HACD4: variants seen among roughly 807,000 people sequenced by gnomAD.
The protein encoded by HACD4 is very-long-chain (3R)-3-hydroxyacyl-CoA dehydratase 4.
In HACD4, 35 loss-of-function variants were observed where a neutral mutation model predicts 33.3. The observed-to-expected ratio is 1.05, with a 90% confidence interval of 0.80 to 1.39. The LOEUF (loss-of-function observed/expected upper bound fraction) is 1.39. Among genes scored for constraint, HACD4 ranks in the 40% most tolerant of loss-of-function variants. The probability of loss-of-function intolerance (pLI) is 0.00; values close to 1 mark genes in which losing one functional copy is unlikely to be tolerated. For synonymous variants in HACD4, 118 were observed against 98.0 expected (o/e 1.20, Z -1.21); for missense variants, 323 against 276.5 (o/e 1.17, Z -1.19).
chr9:21,029,347 G>C lies in HACD4; in HGVS notation c.90C>G (p.Gly30=), dbSNP rs1331698431. Residue 30 remains glycine (G), a synonymous_variant, in exon 2 of 7, where the codon GGC becomes GGG. Transcript: ENST00000495827. The part of the protein sequence containing the change: ...LFIYYLIQFC[G]HSWIFTNMTV... ...TCATATTTGTAAATATCCAAGAGTG[G>C]CCACAGAACTGGATTAAGTAATAGA... The C allele has an allele frequency of 1.2e-6, 2 of 1,601,916 alleles. No individual in the cohort carries two copies. The highest frequency in any genetic ancestry group is 1.7e-6 in the Non-Finnish European group (2 of 1,170,482).
At chr9:21,015,758 T>C in intron 4 of HACD4, 140 bp downstream of exon 4, 2 of 543,914 alleles carry the variant, frequency 3.7e-6, no homozygotes, top group Non-Finnish European at 3.3e-6. Context: ...TAAAAATACA[T>C]TTCCATATCA....
intron 3 of HACD4, among the ~76,000 whole-genome samples, chr9:21,020,679 G>T (rs1587835002): frequency 6.6e-6 from 1 of 152,036 alleles, no homozygotes; most frequent in African/African-American, 2.4e-5. Context: ...TTTCTTTTAT[G>T]CTTCTTTTGG....
At chr9:21,010,075 T>C (rs1842375031) in intron 5 of HACD4, among the ~76,000 whole-genome samples, 1 of 152,234 alleles carries the variant, frequency 6.6e-6, no homozygotes, top group Non-Finnish European at 1.5e-5. Flanking sequence ...GTTTTTGTTT[T>C]ATAACTGGCT....
chr9:21,018,425 T>C (rs920104737), intron 3 of HACD4, among the ~76,000 whole-genome samples: 4 of 152,210 alleles, frequency 2.6e-5, no homozygotes, highest in African/African-American at 7.2e-5. Flanking sequence ...TTACTTGATA[T>C]GAGTTACTCC....
chr9:21,022,488 G>T (rs1461048010), intron 3 of HACD4, among the ~76,000 whole-genome samples: 1 of 152,056 alleles, frequency 6.6e-6, no homozygotes, highest in Non-Finnish European at 1.5e-5. Context: ...CTGACAAAGG[G>T]TTAATATCCA....
In HACD4 at chr9:21,001,351, A is replaced by G. The variant is rs1238408275; in HGVS notation, c.*5686T>C. 1 of 152,104 alleles carries G rather than the reference A, an allele frequency of 6.6e-6. No homozygotes were observed. Among genetic ancestry groups the G allele is most frequent in the Non-Finnish European group, 1.5e-5 (1 of 67,968 alleles). 9.4% of individuals were successfully genotyped at this position (152,104 alleles called of 1,614,324 possible). A position where few individuals can be genotyped will look rare whatever the true frequency, so the allele number is the denominator to read the frequency against. On this transcript the variant is annotated 3_prime_UTR_variant, in exon 7 of 7. Coordinates refer to ENST00000495827, the MANE Select transcript of HACD4 (RefSeq NM_001010915.5). ...AGATTTGGGCAGCAGAAGAATCAGT[A>G]TACATGAAAATAGGACAATGGAAAT...
At chr9:21,024,835 T>A (rs1198758729) in intron 3 of HACD4, among the ~76,000 whole-genome samples, 1 of 152,166 alleles carries the variant, frequency 6.6e-6, no homozygotes, top group Non-Finnish European at 1.5e-5. Context: ...ATAGAAAACA[T>A]AACTGAGATT....
Position 21,005,626 on chromosome 9 carries a change from C to A in HACD4, c.*1411G>T, listed in dbSNP as rs887964384. 6.6e-6 allele frequency: 1 copy of A among 152,152 alleles called. No individual in the cohort carries two copies. The highest frequency in any genetic ancestry group is 1.5e-5 in the Non-Finnish European group (1 of 68,056). 9.4% of individuals were successfully genotyped at this position (152,152 alleles called of 1,614,324 possible). A position where few individuals can be genotyped will look rare whatever the true frequency, so the allele number is the denominator to read the frequency against. On this transcript the variant is annotated 3_prime_UTR_variant, in exon 7 of 7. Coordinates refer to ENST00000495827, the MANE Select transcript of HACD4 (RefSeq NM_001010915.5). This position sits in a 1 kb window ranked among gnomAD's most constrained non-coding sequence, Gnocchi z 4.0. ...ATGATTCAGAGAACATCAGTGGTAC[C>A]TTCTCAGTTTCAAAAGGGGCAGTCA...
chr9:21,014,890 G>A (rs1412437146), intron 4 of HACD4, among the ~76,000 whole-genome samples: 2 of 152,036 alleles, frequency 1.3e-5, no homozygotes, highest in African/African-American at 4.8e-5. Flanking sequence ...GTTCTCCAAT[G>A]TATTTATTGA....
rs185445244 is a variant in HACD4, at chr9:21,028,072, T to A, written c.142+1223A>T. Among the ~76,000 whole-genome samples, 283 of 147,568 alleles carry A rather than the reference T, an allele frequency of 1.9e-3. 2 individuals are homozygous for A. Among genetic ancestry groups the A allele is most frequent in the Admixed American group, 0.017 (248 of 14,428 alleles). On this transcript the variant is annotated intron_variant, in intron 2 of 6. Coordinates refer to ENST00000495827, the MANE Select transcript of HACD4 (RefSeq NM_001010915.5). ...ATCACTTGAACCTGGGAGACAGAGGTTGCAGTGAGGTGACATCGTACCATT... is the reference window on the plus strand; with the variant it reads ...ATCACTTGAACCTGGGAGACAGAGGATGCAGTGAGGTGACATCGTACCATT...
intron 3 of HACD4, among the ~76,000 whole-genome samples, chr9:21,020,344 A>G (rs981314401): frequency 2.0e-5 from 3 of 152,272 alleles, no homozygotes; most frequent in African/African-American, 7.2e-5. Flanking sequence ...AGGGTTTCCT[A>G]TAGGGGATAT....
chr9:21,029,837 G>A (rs1043573613), intron 1 of HACD4, among the ~76,000 whole-genome samples: 9 of 152,234 alleles, frequency 5.9e-5, no homozygotes, highest in African/African-American at 2.2e-4. Flanking sequence ...CTGATCATGC[G>A]GCCGACTGGG....
In HACD4 at chr9:20,999,725, C is replaced by T. The variant is rs566925200; in HGVS notation, c.*7312G>A. 4 of 152,224 alleles carry T rather than the reference C, an allele frequency of 2.6e-5. No individual in the cohort carries two copies. The East Asian group carries it at 5.8e-4, about 22-fold the overall frequency. The allele number at this position is 152,224 out of a possible 1,614,324, so 9.4% of individuals were successfully genotyped here. On this transcript the variant is annotated 3_prime_UTR_variant, in exon 7 of 7. Transcript: ENST00000495827. ...AATATATTTCTAGATGTAGTAGTGGCGTTCTTTAAAGATAGAGTTGCACAC... is the reference window on the plus strand; with the variant it reads ...AATATATTTCTAGATGTAGTAGTGGTGTTCTTTAAAGATAGAGTTGCACAC...
In HACD4 at chr9:21,026,730, C is replaced by G. The variant is rs893496046; in HGVS notation, c.143-7G>C. 1.2e-6 allele frequency: 2 copies of G among 1,610,632 alleles called. No individual in the cohort carries two copies. The highest frequency in any genetic ancestry group is 2.7e-5 in the African/African-American group (2 of 74,904). On this transcript the variant is annotated splice_region_variant and splice_polypyrimidine_tract_variant and intron_variant, in intron 2 of 6. Transcript: ENST00000495827. ...AAAGTGTCAACCATTGAATCTGTAT[C>G]CCGTGGGTTAAAAATGCAGATATAG...
At chr9:21,026,772 T>G in intron 2 of HACD4, 49 bp from the exon 3 acceptor site, 2 of 1,518,522 alleles carry the variant, frequency 1.3e-6, no homozygotes, top group Non-Finnish European at 1.8e-6. Flanking sequence ...AAAACTGGAT[T>G]ATAACCCAAA....
chr9:21,011,232 G>A (rs533883495), intron 5 of HACD4, among the ~76,000 whole-genome samples: 1 of 152,290 alleles, frequency 6.6e-6, no homozygotes, highest in Admixed American at 6.5e-5. Context: ...CTCACCAGAG[G>A]GGACTGAATT....
intron 3 of HACD4, among the ~76,000 whole-genome samples, chr9:21,021,392 G>A (rs986229257): frequency 6.6e-6 from 1 of 152,184 alleles, no homozygotes; most frequent in African/African-American, 2.4e-5. Context: ...AATCAGGCAG[G>A]AGAAGGAAAT....
At chr9:21,029,486 C>G (rs1193529228) in intron 1 of HACD4, 88 bp from the exon 2 acceptor site, 7 of 752,212 alleles carry the variant, frequency 9.3e-6, no homozygotes, top group Non-Finnish European at 1.5e-5. Flanking sequence ...ACTGGCCAAC[C>G]TGAGAAAGCA....
intron 5 of HACD4, among the ~76,000 whole-genome samples, chr9:21,008,509 A>G (rs1842329558): frequency 6.6e-6 from 1 of 152,194 alleles, no homozygotes; most frequent in Non-Finnish European, 1.5e-5. Context: ...TTAGAGTTTC[A>G]CAACACACAT....
Sources: allele counts gnomAD v4.1 joint callset (sites outside exome capture counted in the v4.1 genomes callset), GRCh38; gene constraint gnomAD v4.1.1; non-coding constraint Gnocchi (gnomAD v3.1); transcripts MANE v1.5; gene names NCBI Gene and HGNC (gene_info 2026-07-23, HGNC 2026-07-21).